Variants in LAPTM4B observed in about 807,000 individuals in gnomAD.
The protein encoded by LAPTM4B is lysosomal protein transmembrane 4 beta.
Under a neutral mutation model 28.5 loss-of-function variants are expected in LAPTM4B, and 26 were observed. That is an observed-to-expected ratio of 0.91 (90% CI 0.67 to 1.27). The LOEUF (loss-of-function observed/expected upper bound fraction) is 1.27. LAPTM4B is among the 50% of genes most tolerant of loss of function. The pLI is 0.00. For synonymous variants in LAPTM4B, 109 were observed against 106.4 expected (o/e 1.02, Z -0.15); for missense variants, 288 against 285.8 (o/e 1.01, Z -0.06).
chr8:97,836,468 A>C (rs991374756), intron 6 of LAPTM4B, among the ~76,000 whole-genome samples: 5 of 152,164 alleles, frequency 3.3e-5, no homozygotes, highest in African/African-American at 9.7e-5. Context: ...GGCGCGAGCT[A>C]CTGTGCCCGG....
chr8:97,800,073 T>C (rs1307014530), intron 1 of LAPTM4B, among the ~76,000 whole-genome samples: 1 of 152,216 alleles, frequency 6.6e-6, no homozygotes, highest in African/African-American at 2.4e-5. Context: ...TTCATTGCTT[T>C]ATGCTTTTTG....
At chr8:97,777,271 C>G (rs1816237399) in intron 1 of LAPTM4B, among the ~76,000 whole-genome samples, 1 of 150,620 alleles carries the variant, frequency 6.6e-6, no homozygotes, top group Non-Finnish European at 1.5e-5. Flanking sequence ...CTCAGCTTCC[C>G]GAGTAGCTGG....
At chr8:97,785,420 TAA>T (rs1310441223) in intron 1 of LAPTM4B, among the ~76,000 whole-genome samples, 2 of 152,206 alleles carry the variant, frequency 1.3e-5, no homozygotes, top group Non-Finnish European at 2.9e-5. Context: ...GGCCAATAAA[TAA>T]AGATTGCTAT....
At chr8:97,787,309 T>C (rs2449503) in intron 1 of LAPTM4B, among the ~76,000 whole-genome samples, 145,656 of 146,296 alleles carry the variant, frequency 1, 72,515 homozygotes, top group Middle Eastern at 1. Context: ...TTTTTGAGAC[T>C]GAGTCTGGCT....
intron 6 of LAPTM4B, among the ~76,000 whole-genome samples, chr8:97,846,764 C>A (rs1038328745): frequency 4.3e-4 from 65 of 152,150 alleles, no homozygotes; most frequent in African/African-American, 1.3e-3. Flanking sequence ...GCTATTTTGC[C>A]CAGGGTAGTC....
intron 1 of LAPTM4B, among the ~76,000 whole-genome samples, chr8:97,796,115 T>A (rs1264339543): frequency 2.0e-5 from 3 of 152,178 alleles, no homozygotes; most frequent in African/African-American, 7.2e-5. Flanking sequence ...AGTTTTTGTG[T>A]GTTTTGGTAG....
At chr8:97,801,285 G>A (rs61675316) in intron 1 of LAPTM4B, among the ~76,000 whole-genome samples, 14,781 of 151,084 alleles carry the variant, frequency 0.098, 2,233 homozygotes, top group African/African-American at 0.32. Context: ...GGGTTCAAGC[G>A]ATTCTCCTGC....
At chr8:97,811,622 G>T (rs4735500) in intron 2 of LAPTM4B, among the ~76,000 whole-genome samples, 68,146 of 151,438 alleles carry the variant, frequency 0.45, 15,737 homozygotes, top group East Asian at 0.57. Context: ...GGCTCATCTT[G>T]CTCTGGCATT....
At chr8:97,778,051 G>A (rs1053671863) in intron 1 of LAPTM4B, among the ~76,000 whole-genome samples, 7 of 152,196 alleles carry the variant, frequency 4.6e-5, no homozygotes, top group African/African-American at 9.7e-5. Flanking sequence ...GACAGTGTAG[G>A]TGTGATAAAA....
At chr8:97,849,731 C>T (rs758332957) in intron 6 of LAPTM4B, among the ~76,000 whole-genome samples, 1 of 152,144 alleles carries the variant, frequency 6.6e-6, no homozygotes, top group Non-Finnish European at 1.5e-5. Context: ...AGATACTCCT[C>T]CTTCACCTCC....
At position 97,790,694 on chromosome 8, in the gene LAPTM4B, C is replaced by T. The variant is rs932189151; in HGVS notation, c.99+14586C>T. Among the ~76,000 whole-genome samples the T allele has an allele frequency of 2.6e-5, 4 of 152,238 alleles. No individual in the cohort carries two copies. In the South Asian group the frequency reaches 8.3e-4, roughly 32 times the overall value. On this transcript the variant is annotated intron_variant, in intron 1 of 6. Transcript: ENST00000521545. ...CTCCTGATCTCAAGTTATCTGCCCG[C>T]CTCAGCTTCTCAAAGTGTTGGACTA...
At chr8:97,782,909 TA>T (rs1052470756) in intron 1 of LAPTM4B, among the ~76,000 whole-genome samples, 11 of 135,500 alleles carry the variant, frequency 8.1e-5, no homozygotes, top group African/African-American at 3.4e-4. Context: ...TTTTGTATTT[TA>T]TTTATTTATT....
chr8:97,812,064 C>CAAAA (rs1182385837), intron 2 of LAPTM4B, among the ~76,000 whole-genome samples: 3 of 152,074 alleles, frequency 2.0e-5, no homozygotes, highest in African/African-American at 7.2e-5. Flanking sequence ...CCTTGGCCTC[C>CAAAA]AAAAGTCCTG....
Position 97,816,277 on chromosome 8 carries a change from G to A in LAPTM4B, c.408+97G>A, listed in dbSNP as rs537676392. On this transcript the variant is annotated intron_variant, in intron 4 of 6. Transcript: ENST00000521545. ...TAGAGATACACAGACATTAATTTCAGGATTTTTAGCTTGCAGCTGAGTTAC... is the reference window on the plus strand; with the variant it reads ...TAGAGATACACAGACATTAATTTCAAGATTTTTAGCTTGCAGCTGAGTTAC... 1,211 of 1,235,276 alleles carry A rather than the reference G, an allele frequency of 9.8e-4. 26 individuals carry two copies. The South Asian group carries it at 0.019, about 20-fold the overall frequency. The allele number at this position is 1,235,276 out of a possible 1,614,324, so 76.5% of individuals were successfully genotyped here.
chr8:97,830,433 C>T (rs922774167), intron 6 of LAPTM4B, among the ~76,000 whole-genome samples: 15 of 152,008 alleles, frequency 9.9e-5, no homozygotes, highest in African/African-American at 3.6e-4. Context: ...AAGCGTGAGC[C>T]GGCAATGTAG....
intron 6 of LAPTM4B, among the ~76,000 whole-genome samples, chr8:97,846,066 A>G (rs1452713714): frequency 8.6e-5 from 13 of 150,564 alleles, no homozygotes; most frequent in Non-Finnish European, 7.4e-5. Context: ...TGTTGTCCAC[A>G]CTGTTCTGGA....
At chr8:97,822,732 A>G (rs1373141866) in intron 5 of LAPTM4B, among the ~76,000 whole-genome samples, 1 of 152,132 alleles carries the variant, frequency 6.6e-6, no homozygotes, top group Non-Finnish European at 1.5e-5. Context: ...TACCAAGTGT[A>G]TATATTTATG....
intron 1 of LAPTM4B, among the ~76,000 whole-genome samples, chr8:97,776,458 G>T (rs1170670357): frequency 6.6e-6 from 1 of 152,254 alleles, no homozygotes; most frequent in African/African-American, 2.4e-5. Flanking sequence ...TGCCGAGCAC[G>T]TGTTTCCTTT....
chr8:97,811,556 AATG>A (rs1001702526), intron 2 of LAPTM4B, among the ~76,000 whole-genome samples: 5 of 152,210 alleles, frequency 3.3e-5, no homozygotes, highest in African/African-American at 9.6e-5. Context: ...AACAAAAAAG[AATG>A]ATGAACCTGA....
Sources: allele counts gnomAD v4.1 joint callset (sites outside exome capture counted in the v4.1 genomes callset), GRCh38; gene constraint gnomAD v4.1.1; transcripts MANE v1.5; gene names NCBI Gene and HGNC (gene_info 2026-07-23, HGNC 2026-07-21).